Variants in SPIDR observed in about 807,000 individuals in gnomAD.
SPIDR encodes scaffold protein involved in DNA repair.
In SPIDR, 93 loss-of-function variants were observed where a neutral mutation model predicts 104.6. The ratio of observed to expected loss-of-function variants is 0.89; its 90% CI spans 0.75 to 1.06. SPIDR has a LOEUF of 1.06. SPIDR is among the 50% of genes least tolerant of loss of function. The probability of loss-of-function intolerance (pLI) is 0.00; values close to 1 mark genes in which losing one functional copy is unlikely to be tolerated. For synonymous variants in SPIDR, 431 were observed against 416.9 expected (o/e 1.03, Z -0.41); for missense variants, 1,154 against 1,111.2 (o/e 1.04, Z -0.55).
At chr8:47,663,759 C>A (rs1272671734) in intron 10 of SPIDR, among the ~76,000 whole-genome samples, 1 of 152,126 alleles carries the variant, frequency 6.6e-6, no homozygotes, top group Non-Finnish European at 1.5e-5. Context: ...GGCTAAAGAG[C>A]CATTTTGTTT....
chr8:47,580,573 C>T (rs774791815), intron 8 of SPIDR, among the ~76,000 whole-genome samples: 15 of 151,922 alleles, frequency 9.9e-5, no homozygotes, highest in Admixed American at 6.6e-5. Flanking sequence ...AAAACCTATA[C>T]GTCCTCTCCT....
intron 5 of SPIDR, among the ~76,000 whole-genome samples, chr8:47,317,733 C>T (rs2045668894): frequency 1.3e-5 from 2 of 152,150 alleles, no homozygotes; most frequent in South Asian, 4.1e-4. Context: ...TGGCCGGGTA[C>T]TCCTCTGAGA....
At chr8:47,637,907 G>C (rs140532578) in intron 10 of SPIDR, among the ~76,000 whole-genome samples, 1 of 152,070 alleles carries the variant, frequency 6.6e-6, no homozygotes, top group African/African-American at 2.4e-5. Context: ...TGGAGCAGTT[G>C]TTTGGAATTC....
Position 47,280,017 on chromosome 8 carries a change from G to A in SPIDR, c.189G>A (p.Pro63=), listed in dbSNP as rs966816902. ...GEGFQNTSGN[P]SLTAEEKTIT... ...GGTTTCAGAACACTTCTGGGAATCC[G>A]GTAAAGTATCTGTAGAATTGTTTTC... The change falls in exon 2 of 20, where the codon CCG becomes CCA. Residue 63 remains proline, a splice_region_variant and synonymous_variant. Transcript: ENST00000297423. The A allele has an allele frequency of 3.8e-5, 62 of 1,612,762 alleles. No individual in the cohort carries two copies. In the Admixed American group the frequency reaches 7.7e-4, roughly 20 times the overall value.
intron 5 of SPIDR, among the ~76,000 whole-genome samples, chr8:47,325,492 C>G (rs143636870): frequency 2.6e-5 from 4 of 152,252 alleles, no homozygotes; most frequent in African/African-American, 9.6e-5. Flanking sequence ...TTCAGTTGGT[C>G]AGTCTATTTT....
At chr8:47,630,183 TA>T (rs1321198534) in intron 10 of SPIDR, among the ~76,000 whole-genome samples, 2 of 152,026 alleles carry the variant, frequency 1.3e-5, no homozygotes, top group Non-Finnish European at 2.9e-5. Flanking sequence ...TGAACCAAGA[TA>T]AAGTAAAAAT....
intron 8 of SPIDR, among the ~76,000 whole-genome samples, chr8:47,585,676 G>A (rs550523786): frequency 6.6e-6 from 1 of 152,292 alleles, no homozygotes; most frequent in African/African-American, 2.4e-5. Flanking sequence ...TCGAGGGGTT[G>A]CATCTGGTGA....
At chr8:47,477,439 G>C (rs1455026335) in intron 8 of SPIDR, among the ~76,000 whole-genome samples, 1 of 152,160 alleles carries the variant, frequency 6.6e-6, no homozygotes, top group African/African-American at 2.4e-5. Context: ...CAAGTGATCT[G>C]CCTGCCTTGG....
intron 10 of SPIDR, among the ~76,000 whole-genome samples, chr8:47,631,885 CA>C (rs2067125063): frequency 6.6e-6 from 1 of 152,142 alleles, no homozygotes. Flanking sequence ...TGCTTTAGAT[CA>C]GTTAGGTGAT....
chr8:47,515,273 A>G (rs2082942426), intron 8 of SPIDR, among the ~76,000 whole-genome samples: 2 of 152,150 alleles, frequency 1.3e-5, no homozygotes, highest in Non-Finnish European at 2.9e-5. Flanking sequence ...GCTTATGAGG[A>G]ATTACTTACA....
chr8:47,442,147 T>G (rs1057329965), intron 8 of SPIDR, among the ~76,000 whole-genome samples: 22 of 152,288 alleles, frequency 1.4e-4, no homozygotes, highest in Non-Finnish European at 1.2e-4. Context: ...AATATTTGCC[T>G]TAAACATTTA....
intron 8 of SPIDR, among the ~76,000 whole-genome samples, chr8:47,479,871 C>T (rs2076697689): frequency 6.6e-6 from 1 of 152,172 alleles, no homozygotes; most frequent in Non-Finnish European, 1.5e-5. Flanking sequence ...AGTTCAAGTC[C>T]ATAGTGCTGT....
chr8:47,727,902 A>ATTAC (rs2084523389), intron 17 of SPIDR, among the ~76,000 whole-genome samples: 1 of 151,238 alleles, frequency 6.6e-6, no homozygotes, highest in South Asian at 2.1e-4. Context: ...GCGGATCATA[A>ATTAC]GGTAAGGAGA....
chr8:47,716,059 G>A (rs2082547008), intron 16 of SPIDR, among the ~76,000 whole-genome samples: 1 of 151,044 alleles, frequency 6.6e-6, no homozygotes, highest in Non-Finnish European at 1.5e-5. Context: ...CTGCCTACTG[G>A]GTTCAAGAGA....
Position 47,712,844 on chromosome 8 carries a change from C to G in SPIDR, c.2160C>G (p.Leu720=). The G allele has an allele frequency of 6.2e-7, 1 of 1,614,096 alleles. No homozygotes were observed. The highest frequency in any genetic ancestry group is 8.5e-7 in the Non-Finnish European group (1 of 1,180,018). Residue 720 remains leucine (L), a synonymous_variant, in exon 15 of 20, where the codon CTC becomes CTG. Coordinates refer to ENST00000297423, the MANE Select transcript of SPIDR (RefSeq NM_001080394.4). ...EALAGAAPHS[L]FFKDALRDQG... ...TCGCTGGGGCTGCCCCTCACAGCCT[C>G]TTCTTCAAGGACGCTCTCCGTGACC...
intron 10 of SPIDR, among the ~76,000 whole-genome samples, chr8:47,662,280 A>G (rs2074244078): frequency 6.6e-6 from 1 of 152,198 alleles, no homozygotes; most frequent in Non-Finnish European, 1.5e-5. Flanking sequence ...TCACAAGCCC[A>G]TGCCTCATCC....
At chr8:47,514,495 T>C (rs904124259) in intron 8 of SPIDR, among the ~76,000 whole-genome samples, 12 of 152,162 alleles carry the variant, frequency 7.9e-5, no homozygotes, top group Admixed American at 6.5e-4. Flanking sequence ...TACAGAAATA[T>C]GTATAGTGTT....
At chr8:47,539,575 G>T (rs1015479454) in intron 8 of SPIDR, among the ~76,000 whole-genome samples, 1 of 151,978 alleles carries the variant, frequency 6.6e-6, no homozygotes, top group Non-Finnish European at 1.5e-5. Context: ...CTTTTTGGTG[G>T]TTTTTCTGGC....
chr8:47,650,997 T>G (rs1019295266), intron 10 of SPIDR, among the ~76,000 whole-genome samples: 2 of 152,066 alleles, frequency 1.3e-5, no homozygotes, highest in African/African-American at 4.8e-5. Flanking sequence ...ACCATAAAAA[T>G]TCTAGAAGAT....
Sources: allele counts gnomAD v4.1 joint callset (sites outside exome capture counted in the v4.1 genomes callset), GRCh38; gene constraint gnomAD v4.1.1; transcripts MANE v1.5; gene names NCBI Gene and HGNC (gene_info 2026-07-23, HGNC 2026-07-21).